Variants in RACGAP1 observed in about 807,000 individuals in gnomAD.
RACGAP1 encodes the protein rac GTPase-activating protein 1.
Under a neutral mutation model 78.1 loss-of-function variants are expected in RACGAP1, and 30 were observed. That is an observed-to-expected ratio of 0.38 (90% CI 0.29 to 0.52). RACGAP1 has a LOEUF of 0.52. Ranked by LOEUF, RACGAP1 falls within the 20% of genes least tolerant of loss-of-function variation. The pLI, the probability that RACGAP1 is intolerant of heterozygous loss-of-function variation, is 0.82. For missense variants in RACGAP1, 587 were observed against 777.1 expected (o/e 0.76, Z 2.91); for synonymous variants, 231 against 264.8 (o/e 0.87, Z 1.24).
intron 6 of RACGAP1, among the ~76,000 whole-genome samples, chr12:50,001,746 T>A (rs1467952028): frequency 1.3e-5 from 2 of 152,208 alleles, no homozygotes; most frequent in African/African-American, 4.8e-5. Flanking sequence ...ATGGACAGGA[T>A]TCTGTCCTAA....
chr12:49,997,726 C>T (rs190593513), intron 9 of RACGAP1, among the ~76,000 whole-genome samples: 254 of 151,996 alleles, frequency 1.7e-3, no homozygotes, highest in Admixed American at 5.5e-3. Flanking sequence ...TACAGGCATG[C>T]GCCACCACGC....
At chr12:50,015,520 G>A (rs949403540) in intron 2 of RACGAP1, among the ~76,000 whole-genome samples, 2 of 152,116 alleles carry the variant, frequency 1.3e-5, no homozygotes, top group African/African-American at 4.8e-5. Context: ...AAATTTTTAA[G>A]GCCAGGCGCA....
chr12:50,004,148 A>C (rs1948838086), intron 5 of RACGAP1, 87 bp downstream of exon 5: 1 of 1,490,790 alleles, frequency 6.7e-7, no homozygotes, highest in African/African-American at 1.4e-5. Flanking sequence ...GTAATATAGG[A>C]TGTTCAGAAG....
chr12:50,006,448 C>T lies in RACGAP1; in HGVS notation c.274G>A (p.Asp92Asn). Residue 92 changes from aspartate (D) to asparagine (N), a missense_variant, in exon 3 of 17, where the codon GAC becomes AAC. Asp to Asn is a conservative substitution (Grantham distance 23). Transcript: ENST00000312377. ...ACAATACACACCAGCTTTTCGCAGT[C>T]AGCCTCAGCTCTCTGTCTCCGTTTG... is the stretch of plus-strand genomic sequence containing the variant. ...EIKRRQRAEA[D>N]CEKLERQIQL... The T allele has an allele frequency of 6.2e-7, 1 of 1,614,150 alleles. No homozygotes were observed. The highest frequency in any genetic ancestry group is 1.7e-4 in the Middle Eastern group (1 of 6,058).
chr12:50,016,452 T>C (rs77747288), intron 2 of RACGAP1, among the ~76,000 whole-genome samples, 179 bp downstream of exon 2: 1,716 of 152,232 alleles, frequency 0.011, 23 homozygotes, highest in Non-Finnish European at 0.021. Context: ...TAGAAAAGAA[T>C]TTTAGTGACC....
At chr12:50,008,327 T>C (rs1042506934) in intron 2 of RACGAP1, among the ~76,000 whole-genome samples, 5 of 151,054 alleles carry the variant, frequency 3.3e-5, no homozygotes, top group African/African-American at 1.2e-4. Context: ...GCCTCCTGAG[T>C]AGCTGGGATT....
At chr12:49,992,894 T>A (rs1368088869) in intron 12 of RACGAP1, among the ~76,000 whole-genome samples, 1 of 152,258 alleles carries the variant, frequency 6.6e-6, no homozygotes, top group East Asian at 1.9e-4. Context: ...TGGCAACTGA[T>A]GTGCTAGGCA....
At chr12:50,023,455 C>T (rs189573043) in intron 1 of RACGAP1, among the ~76,000 whole-genome samples, 61 of 152,290 alleles carry the variant, frequency 4.0e-4, no homozygotes, top group African/African-American at 1.4e-3. Context: ...GTAAACAGGC[C>T]AGGCATGGTG....
intron 16 of RACGAP1, 104 bp downstream of exon 16, chr12:49,990,580 C>T (rs758832172): frequency 4.0e-5 from 38 of 961,656 alleles, no homozygotes; most frequent in Non-Finnish European, 5.3e-5. Flanking sequence ...AGTCTAGTTG[C>T]TAGCTAAAAT....
intron 1 of RACGAP1, among the ~76,000 whole-genome samples, chr12:50,023,973 A>G (rs866713157): frequency 6.6e-6 from 1 of 151,876 alleles, no homozygotes; most frequent in African/African-American, 2.4e-5. Flanking sequence ...CATCCTGGCT[A>G]AAACGGTGAA....
chr12:50,006,751 C>G (rs917047538), intron 2 of RACGAP1, 115 bp from the exon 3 acceptor site: 10 of 1,056,278 alleles, frequency 9.5e-6, no homozygotes, highest in Non-Finnish European at 1.4e-5. Flanking sequence ...ACCAGCTGAA[C>G]TATGGGCAAA....
intron 16 of RACGAP1, 131 bp downstream of exon 16, chr12:49,990,553 C>A: frequency 1.2e-6 from 1 of 813,558 alleles, no homozygotes; most frequent in Admixed American, 2.7e-5. Context: ...TCCTTATAGC[C>A]CCACGTTCCC....
intron 13 of RACGAP1, 31 bp from the exon 14 acceptor site, chr12:49,992,408 T>C: frequency 6.2e-7 from 1 of 1,607,724 alleles, no homozygotes. Flanking sequence ...TTAGAAGTCT[T>C]GCTCCTTGCT....
rs1444896296 is a variant in RACGAP1 at position 49,994,124 on chromosome 12, C to T, written c.1339+7G>A. The T allele has an allele frequency of 1.9e-5, 30 of 1,606,304 alleles. No homozygotes were observed. The highest frequency in any genetic ancestry group is 2.6e-5 in the Non-Finnish European group (30 of 1,174,510). On this transcript the variant is annotated splice_region_variant and intron_variant, in intron 12 of 16. Coordinates refer to ENST00000312377, the MANE Select transcript of RACGAP1 (RefSeq NM_001319999.2). ...AATTCATATTCAAGTATTACATCTG[C>T]CCTTACCTGCTGCTTCCATAAAGGC...
At chr12:50,001,093 C>A in intron 7 of RACGAP1, 79 bp downstream of exon 7, 1 of 1,137,804 alleles carries the variant, frequency 8.8e-7, no homozygotes, top group South Asian at 1.4e-5. Context: ...TCTCTCAAAA[C>A]AATGCTGCAA....
chr12:49,992,800 T>G, intron 12 of RACGAP1, 145 bp from the exon 13 acceptor site: 1 of 558,938 alleles, frequency 1.8e-6, no homozygotes, highest in Non-Finnish European at 3.1e-6. Context: ...TCTAGTTTCA[T>G]TAACAAGCAG....
rs554689022 is a variant in RACGAP1, at chr12:49,992,255, C to T, written c.1568G>A (p.Arg523His). The change falls in exon 14 of 17, where the codon CGT (arginine) becomes CAT (histidine). Residue 523 changes from arginine (R) to histidine (H), a missense_variant. By Grantham distance (29) the Arg-to-His change is conservative (BLOSUM62 0). Transcript: ENST00000312377. ...CACGCACCTGCCTACCTTGGGTTGA[C>T]GCTTGATGTCCTGTAACATTGTCAC... Reference protein sequence around the residue: ...DPVTMLQDIKRQPKVVERLLS... With the variant: ...DPVTMLQDIKHQPKVVERLLS... The T allele has an allele frequency of 5.6e-5, 91 of 1,614,116 alleles. No individual in the cohort carries two copies. Among genetic ancestry groups the T allele is most frequent in the African/African-American group, 6.7e-5 (5 of 75,020 alleles).
intron 15 of RACGAP1, among the ~76,000 whole-genome samples, chr12:49,991,507 T>TTTTTTTTA (rs1386437207): frequency 8.7e-6 from 1 of 114,834 alleles, no homozygotes; most frequent in African/African-American, 3.4e-5. Context: ...TTTTTTTTTT[T>TTTTTTTTA]AGACAGAGTC....
chr12:49,991,479 ATTTTTTTT>A (rs1197357619), intron 15 of RACGAP1, among the ~76,000 whole-genome samples: 70 of 24,080 alleles, frequency 2.9e-3, no homozygotes, highest in African/African-American at 6.6e-3. Context: ...ATATATATAT[ATTTTTTTT>A]TTTTTTTTTT....
Sources: gnomAD v4.1 joint callset for allele counts (sites outside exome capture counted in the v4.1 genomes callset) on GRCh38, gnomAD v4.1.1 for gene constraint, MANE v1.5 for transcripts, NCBI Gene and HGNC (gene_info 2026-07-23, HGNC 2026-07-21) for gene names.